The following CSTPP1 variants were observed in gnomAD, a reference collection of about 807,000 sequenced individuals.
CSTPP1 encodes the protein centriolar satellite-associated tubulin polyglutamylase complex regulator 1, also known as UPF0705 protein C11orf49.
At chr11:46,954,988 AG>A in the CSTPP1 span, among the ~76,000 whole-genome samples, 1 of 152,198 alleles carries the variant, frequency 6.6e-6, no homozygotes, top group Non-Finnish European at 1.5e-5. Flanking sequence ...CAAAGCCCAA[AG>A]GGGCTCAGTC....
chr11:47,143,507 G>A, the CSTPP1 span, among the ~76,000 whole-genome samples: 2 of 152,166 alleles, frequency 1.3e-5, no homozygotes, highest in Admixed American at 6.6e-5. Context: ...CTCCACATGC[G>A]CCTGCCTTAT....
At chr11:46,970,288 G>C in the CSTPP1 span, among the ~76,000 whole-genome samples, 2 of 151,630 alleles carry the variant, frequency 1.3e-5, no homozygotes, top group African/African-American at 4.8e-5. Context: ...AGATGCCAAA[G>C]AACAAATCTA....
At chr11:46,937,354 A>G in the CSTPP1 span, among the ~76,000 whole-genome samples, 1 of 152,064 alleles carries the variant, frequency 6.6e-6, no homozygotes, top group Non-Finnish European at 1.5e-5. Flanking sequence ...AACTTGCGTT[A>G]AGTTAGGCCA....
the CSTPP1 span, among the ~76,000 whole-genome samples, chr11:47,002,932 A>G: frequency 1.3e-5 from 2 of 152,184 alleles, no homozygotes; most frequent in East Asian, 3.8e-4. Context: ...AATTCCCTGA[A>G]TACTTGTCTG....
chr11:46,947,888 G>T, the CSTPP1 span: 1 of 358,668 alleles, frequency 2.8e-6, no homozygotes, highest in Middle Eastern at 1.0e-3. Context: ...GTAAACAGAG[G>T]CATCTGGCGG....
At chr11:47,135,001 T>G in the CSTPP1 span, among the ~76,000 whole-genome samples, 2 of 151,908 alleles carry the variant, frequency 1.3e-5, no homozygotes, top group South Asian at 2.1e-4. Flanking sequence ...CCCAGCTACT[T>G]GGGAGGCTGA....
chr11:47,098,947 G>T, the CSTPP1 span, among the ~76,000 whole-genome samples: 9 of 151,842 alleles, frequency 5.9e-5, no homozygotes, highest in Admixed American at 5.9e-4. Context: ...TTGTAAAATT[G>T]TGTTTTATTT....
the CSTPP1 span, among the ~76,000 whole-genome samples, chr11:47,043,744 C>T: frequency 7.3e-5 from 11 of 151,656 alleles, no homozygotes; most frequent in South Asian, 2.3e-3. Context: ...GTAATCCTGG[C>T]ATTTTCAGAG....
the CSTPP1 span, among the ~76,000 whole-genome samples, chr11:47,067,416 C>A: frequency 3.1e-4 from 47 of 152,152 alleles, 1 homozygote; most frequent in East Asian, 7.3e-3. Flanking sequence ...TCTGCCCCCC[C>A]CAAATTCCCA....
At chr11:47,043,816 AC>A in the CSTPP1 span, among the ~76,000 whole-genome samples, 1 of 151,942 alleles carries the variant, frequency 6.6e-6, no homozygotes, top group East Asian at 1.9e-4. Context: ...ACATGGCGAA[AC>A]CCTGTCTCTA....
At chr11:46,972,623 T>C in the CSTPP1 span, among the ~76,000 whole-genome samples, 1 of 152,254 alleles carries the variant, frequency 6.6e-6, no homozygotes, top group South Asian at 2.1e-4. Context: ...TAGAGAGAAG[T>C]TGTGCTTCCC....
At chr11:46,997,059 C>T in the CSTPP1 span, among the ~76,000 whole-genome samples, 3 of 152,228 alleles carry the variant, frequency 2.0e-5, no homozygotes, top group African/African-American at 7.2e-5. Flanking sequence ...CGAGGAGTAT[C>T]TTTGTGGTGT....
the CSTPP1 span, among the ~76,000 whole-genome samples, chr11:47,001,739 A>G: frequency 1.3e-5 from 2 of 152,162 alleles, no homozygotes; most frequent in African/African-American, 4.8e-5. Context: ...ATAATCTATA[A>G]CAATCAGGGC....
the CSTPP1 span, among the ~76,000 whole-genome samples, chr11:47,148,608 G>T: frequency 6.6e-6 from 1 of 152,214 alleles, no homozygotes; most frequent in African/African-American, 2.4e-5. Flanking sequence ...GTGGATGCTG[G>T]CAGCACGCAT....
At chr11:47,122,069 C>CAAAAAAAAAAAAAAAA in the CSTPP1 span, among the ~76,000 whole-genome samples, 4 of 21,988 alleles carry the variant, frequency 1.8e-4, no homozygotes, top group Non-Finnish European at 2.3e-4. Flanking sequence ...GACCCTGTCT[C>CAAAAAAAAAAAAAAAA]AAAAAAAAAA....
the CSTPP1 span, among the ~76,000 whole-genome samples, chr11:46,946,054 C>T: frequency 6.6e-6 from 1 of 152,086 alleles, no homozygotes; most frequent in Non-Finnish European, 1.5e-5. Flanking sequence ...CTATTTAATA[C>T]ATGTAATAAA....
the CSTPP1 span, among the ~76,000 whole-genome samples, chr11:47,085,842 G>C: frequency 2.0e-4 from 30 of 151,490 alleles, no homozygotes; most frequent in Admixed American, 1.2e-3. Flanking sequence ...TCGCACCATT[G>C]CACTCTAGTC....
At chr11:47,057,930 C>G in the CSTPP1 span, among the ~76,000 whole-genome samples, 1 of 152,126 alleles carries the variant, frequency 6.6e-6, no homozygotes, top group African/African-American at 2.4e-5. Flanking sequence ...TAAATCGATC[C>G]GCAAGTAATT....
the CSTPP1 span, among the ~76,000 whole-genome samples, chr11:47,098,005 ACC>A: frequency 3.8e-5 from 2 of 52,100 alleles, no homozygotes; most frequent in African/African-American, 1.6e-4. Context: ...CTGTGACCTT[ACC>A]CCCAACCCTG....
Sources: gnomAD v4.1 joint callset for allele counts (sites outside exome capture counted in the v4.1 genomes callset) on GRCh38, gnomAD v4.1.1 for gene constraint, MANE v1.5 for transcripts, NCBI Gene and HGNC (gene_info 2026-07-23, HGNC 2026-07-21) for gene names.